The following MROH1 variants were observed in gnomAD, a reference collection of about 807,000 sequenced individuals.
MROH1 encodes the protein maestro heat like repeat family member 1.
A neutral mutation model predicts 116.5 loss-of-function variants in MROH1; 117 were observed. The ratio of observed to expected loss-of-function variants is 1.00; its 90% confidence interval spans 0.86 to 1.17. The LOEUF (loss-of-function observed/expected upper bound fraction) is 1.17, where lower values mean the gene tolerates loss of function less well. Among genes scored for constraint, MROH1 ranks in the 50% most tolerant of loss-of-function variants. The pLI is 0.00. For missense variants in MROH1, 1,873 were observed against 1,338.5 expected, an observed-to-expected ratio of 1.40 and a Z score of -6.23; for synonymous variants, 921 against 583.9, an observed-to-expected ratio of 1.58 and a Z score of -8.32.
Position 144,163,538 on chromosome 8 carries a change from A to G in MROH1, c.-56-233A>G, listed in dbSNP as rs1820066194. Among the ~76,000 whole-genome samples, 1 of 152,174 alleles carries G rather than the reference A, an allele frequency of 6.6e-6. No individual in the cohort carries two copies. The highest frequency in any genetic ancestry group is 2.1e-4 in the South Asian group (1 of 4,834). ...AGCTGTGGACAAGCCTGTGCAGGCCAGTGAGGTGCTGGTAGGGACTGATGG... is the reference window on the plus strand; with the variant it reads ...AGCTGTGGACAAGCCTGTGCAGGCCGGTGAGGTGCTGGTAGGGACTGATGG... On this transcript the variant is annotated intron_variant, in intron 2 of 43. Transcript: ENST00000326134. The surrounding 1 kb of genome is among the most constrained non-coding windows in gnomAD (Gnocchi z 4.4).
At chr8:144,218,715 C>CCCT (rs1835910041) in intron 12 of MROH1, among the ~76,000 whole-genome samples, 3 of 9,716 alleles carry the variant, frequency 3.1e-4, no homozygotes, top group Non-Finnish European at 8.7e-4. Context: ...CCCTCCTGTC[C>CCCT]CCCCTCCCCT....
intron 4 of MROH1, among the ~76,000 whole-genome samples, chr8:144,169,409 T>C (rs1821851708): frequency 6.6e-6 from 1 of 151,346 alleles, no homozygotes; most frequent in African/African-American, 2.4e-5. Context: ...CTGTCTTAGC[T>C]GTTTATTTAT....
chr8:144,165,350 C>G (rs1211139293), intron 3 of MROH1, among the ~76,000 whole-genome samples: 1 of 152,002 alleles, frequency 6.6e-6, no homozygotes, highest in Non-Finnish European at 1.5e-5. Flanking sequence ...AACTCCTGAC[C>G]TCAGGTGATC....
chr8:144,210,056 C>A (rs749681438), intron 12 of MROH1, among the ~76,000 whole-genome samples: 1 of 151,636 alleles, frequency 6.6e-6, no homozygotes, highest in Non-Finnish European at 1.5e-5. Flanking sequence ...GCATCCTATT[C>A]CAGTCACAGT....
At chr8:144,200,641 C>A in intron 12 of MROH1, 100 bp downstream of exon 12, 1 of 883,788 alleles carries the variant, frequency 1.1e-6, no homozygotes. Context: ...CACCATCCTG[C>A]TTTGAATTCT....
At chr8:144,187,736 G>A (rs1827547580) in intron 7 of MROH1, among the ~76,000 whole-genome samples, 1 of 152,314 alleles carries the variant, frequency 6.6e-6, no homozygotes, top group African/African-American at 2.4e-5. Context: ...GACCCTGAAG[G>A]CAGTGCTAGA....
At chr8:144,161,716 A>G (rs890324667) in intron 2 of MROH1, among the ~76,000 whole-genome samples, 4 of 152,164 alleles carry the variant, frequency 2.6e-5, no homozygotes, top group African/African-American at 9.7e-5. Flanking sequence ...TTGTTTTGTT[A>G]GCTCCTGTTT....
At chr8:144,218,181 A>G (rs1351444380) in intron 12 of MROH1, among the ~76,000 whole-genome samples, 1 of 152,136 alleles carries the variant, frequency 6.6e-6, no homozygotes, top group East Asian at 1.9e-4. Flanking sequence ...GTTTGCTGTC[A>G]TAAACAGGCC....
intron 12 of MROH1, among the ~76,000 whole-genome samples, chr8:144,202,330 G>A (rs1337349539): frequency 6.6e-6 from 1 of 151,006 alleles, no homozygotes; most frequent in Non-Finnish European, 1.5e-5. Flanking sequence ...CTGTGTGGAG[G>A]GGCAGGGAGG....
intron 7 of MROH1, among the ~76,000 whole-genome samples, chr8:144,184,986 T>C (rs1587984269): frequency 6.6e-6 from 1 of 152,230 alleles, no homozygotes; most frequent in Non-Finnish European, 1.5e-5. Flanking sequence ...GTGCTGCTGG[T>C]GAGTGACAGG....
intron 1 of MROH1, among the ~76,000 whole-genome samples, chr8:144,152,105 A>G (rs1041367985): frequency 2.0e-5 from 3 of 152,360 alleles, no homozygotes; most frequent in Non-Finnish European, 4.4e-5. Flanking sequence ...CTATATACCT[A>G]TGATAAAGTT....
intron 4 of MROH1, among the ~76,000 whole-genome samples, chr8:144,170,974 C>T (rs1822281594): frequency 6.6e-6 from 1 of 152,240 alleles, no homozygotes; most frequent in African/African-American, 2.4e-5. Flanking sequence ...ATTGTTTTCT[C>T]TGCTCTTACA....
chr8:144,251,705 T>A (rs1842870459), intron 33 of MROH1: 1 of 152,342 alleles, frequency 6.6e-6, no homozygotes, highest in Non-Finnish European at 1.5e-5. Context: ...CTGTTTTCGT[T>A]TTCCGTGGAG....
chr8:144,259,354 G>C lies in MROH1; in HGVS notation c.4044G>C (p.Glu1348Asp), dbSNP rs1020089730. The stretch of plus-strand genomic sequence containing the variant: ...TGACCACCACCGCCTTCCTGGCCGA[G>C]GTAGGCCCTTCCAGGGACGGATGCT... ...QRVTTTAFLAELLNSNVANDL... is the reference protein window; with the variant it reads ...QRVTTTAFLADLLNSNVANDL... The change falls in exon 37 of 44, where the codon GAG becomes GAC. Residue 1348 changes from glutamate (E) to aspartate (D), a missense_variant and splice_region_variant. Physicochemically the swap from Glu to Asp is conservative, Grantham distance 45 (BLOSUM62 2). Coordinates refer to ENST00000326134, the MANE Select transcript of MROH1 (RefSeq NM_032450.3). 1.4e-6 allele frequency: 1 copy of C among 714,950 alleles called. No homozygotes were observed. Among genetic ancestry groups the C allele is most frequent in the African/African-American group, 1.7e-5 (1 of 57,178 alleles). 44.3% of individuals were successfully genotyped at this position (714,950 alleles called of 1,614,324 possible). A position where few individuals can be genotyped will look rare whatever the true frequency, so the allele number is the denominator to read the frequency against.
At chr8:144,196,215 G>A (rs1300707227) in intron 10 of MROH1, among the ~76,000 whole-genome samples, 1 of 150,930 alleles carries the variant, frequency 6.6e-6, no homozygotes, top group African/African-American at 2.4e-5. Flanking sequence ...GCTTGAACCC[G>A]GGAGGCGGAG....
At chr8:144,260,499 C>T (rs1430308170) in intron 39 of MROH1, 125 bp downstream of exon 39, 7 of 704,052 alleles carry the variant, frequency 9.9e-6, no homozygotes, top group Middle Eastern at 3.6e-4. Flanking sequence ...GTGGAGAGCG[C>T]GGACCTGCAG....
intron 14 of MROH1, among the ~76,000 whole-genome samples, chr8:144,238,253 C>T (rs931983132): frequency 9.9e-5 from 15 of 151,720 alleles, no homozygotes; most frequent in Admixed American, 2.6e-4. Context: ...CCAAATATGC[C>T]GCTTTGTGGT....
intron 12 of MROH1, among the ~76,000 whole-genome samples, chr8:144,206,772 C>A (rs555241017): frequency 1.3e-5 from 2 of 151,462 alleles, no homozygotes; most frequent in East Asian, 4.0e-4. Context: ...GTGGCTCACG[C>A]CTGTAATCCC....
At chr8:144,246,104 T>C (rs1462298855) in intron 29 of MROH1, among the ~76,000 whole-genome samples, 1 of 127,082 alleles carries the variant, frequency 7.9e-6, no homozygotes, top group Admixed American at 8.4e-5. Context: ...CCTTCCTTCC[T>C]TTCTTTCCTT....
Sources: gnomAD v4.1 joint callset for allele counts (sites outside exome capture counted in the v4.1 genomes callset) on GRCh38, gnomAD v4.1.1 for gene constraint, Gnocchi (gnomAD v3.1) non-coding constraint, MANE v1.5 for transcripts, NCBI Gene and HGNC (gene_info 2026-07-23, HGNC 2026-07-21) for gene names.